Variants in CACHD1 observed in about 807,000 individuals in gnomAD.
CACHD1 encodes cache domain containing 1, also known as VWFA and cache domain-containing protein 1.
A neutral mutation model predicts 138.7 loss-of-function variants in CACHD1; 71 were observed. That is an observed-to-expected ratio of 0.51 (90% CI 0.42 to 0.62). CACHD1 has a LOEUF of 0.62. Ranked by LOEUF, CACHD1 falls within the 20% of genes least tolerant of loss-of-function variation. The pLI, the probability that CACHD1 is intolerant of heterozygous loss-of-function variation, is 0.00. For missense variants in CACHD1, 1,389 were observed against 1,625.3 expected, an observed-to-expected ratio of 0.85 and a Z score of 2.50; for synonymous variants, 578 against 591.5, an observed-to-expected ratio of 0.98 and a Z score of 0.33.
intron 20 of CACHD1, 43 bp downstream of exon 20, chr1:64,675,604 T>C (rs761379361): frequency 2.6e-6 from 4 of 1,560,644 alleles, no homozygotes; most frequent in Non-Finnish European, 3.5e-6. Flanking sequence ...CCACACTGTT[T>C]AATATTTCAA....
rs1324860409 is a variant in CACHD1 at position 64,678,239 on chromosome 1, C to T, written c.3173C>T (p.Ala1058Val). The change falls in exon 23 of 27, where the codon GCC becomes GTC. Residue 1058 changes from alanine to valine, a missense_variant. Physicochemically the swap from Ala to Val is moderately conservative, Grantham distance 64. This residue lies in a region of CACHD1 where 250 missense variants were observed against 292.9 expected (regional missense o/e 0.85). Coordinates refer to ENST00000651257, the MANE Select transcript of CACHD1 (RefSeq NM_020925.4). ...ACTCACCTGGACAAACCCTACTGTG[C>T]CCCCCAGAAAGAATGCTTCGGGGGG... is the stretch of plus-strand genomic sequence containing the variant. Reference protein sequence around the residue: ...GKTHLDKPYCAPQKECFGGIV... With the variant: ...GKTHLDKPYCVPQKECFGGIV... 2 of 1,611,076 alleles carry T rather than the reference C, an allele frequency of 1.2e-6. No homozygotes were observed. The highest frequency in any genetic ancestry group is 1.7e-6 in the Non-Finnish European group (2 of 1,178,848).
intron 19 of CACHD1, among the ~76,000 whole-genome samples, chr1:64,674,853 A>G (rs1338459538): frequency 6.6e-6 from 1 of 152,206 alleles, no homozygotes; most frequent in Non-Finnish European, 1.5e-5. Flanking sequence ...TTTTCTTGTT[A>G]TGGAATGAAG....
intron 13 of CACHD1, among the ~76,000 whole-genome samples, chr1:64,659,963 G>A (rs1193521383): frequency 6.6e-6 from 1 of 152,170 alleles, no homozygotes; most frequent in Non-Finnish European, 1.5e-5. Flanking sequence ...AGAAGAGCAG[G>A]CTGGACTAAG....
At chr1:64,639,287 T>C (rs923639384) in intron 7 of CACHD1, among the ~76,000 whole-genome samples, 3 of 152,240 alleles carry the variant, frequency 2.0e-5, no homozygotes, top group African/African-American at 7.2e-5. Flanking sequence ...ATTTTTGTTT[T>C]TGTATTTTTC....
At chr1:64,596,027 T>G (rs1237395789) in intron 3 of CACHD1, among the ~76,000 whole-genome samples, 2 of 152,202 alleles carry the variant, frequency 1.3e-5, no homozygotes, top group Non-Finnish European at 2.9e-5. Context: ...GAAAAACTAT[T>G]TCTCGGAATG....
At chr1:64,548,018 T>C (rs1319263361) in intron 1 of CACHD1, among the ~76,000 whole-genome samples, 1 of 152,222 alleles carries the variant, frequency 6.6e-6, no homozygotes, top group African/African-American at 2.4e-5. Flanking sequence ...TAAAAATGCT[T>C]ATGTCATAAA....
intron 3 of CACHD1, among the ~76,000 whole-genome samples, chr1:64,600,965 AT>A (rs2100574829): frequency 6.6e-6 from 1 of 152,346 alleles, no homozygotes; most frequent in East Asian, 1.9e-4. Context: ...TGCTAGCCAC[AT>A]TTCAAATGCT....
chr1:64,531,835 T>C (rs1030273955), intron 1 of CACHD1, among the ~76,000 whole-genome samples: 3 of 152,162 alleles, frequency 2.0e-5, no homozygotes, highest in Admixed American at 1.3e-4. Context: ...CATGTTACAG[T>C]TTAATGCCAG....
chr1:64,477,634 ATTT>A (rs1038287180), intron 1 of CACHD1, among the ~76,000 whole-genome samples: 1 of 131,832 alleles, frequency 7.6e-6, no homozygotes, highest in African/African-American at 3.0e-5. Flanking sequence ...ATTTTATTTT[ATTT>A]TTTTTTTTGA....
intron 8 of CACHD1, 57 bp downstream of exon 8, chr1:64,642,026 G>A: frequency 7.3e-7 from 1 of 1,375,904 alleles, no homozygotes; most frequent in Non-Finnish European, 9.6e-7. Context: ...AGTGTATGCT[G>A]CTTTAAAAAG....
At chr1:64,520,830 TA>T (rs1266251080) in intron 1 of CACHD1, among the ~76,000 whole-genome samples, 1 of 152,212 alleles carries the variant, frequency 6.6e-6, no homozygotes, top group African/African-American at 2.4e-5. Context: ...ACTCCCCCTC[TA>T]ATCAACTGTG....
At chr1:64,622,619 C>T (rs1647955330) in intron 4 of CACHD1, among the ~76,000 whole-genome samples, 1 of 152,134 alleles carries the variant, frequency 6.6e-6, no homozygotes. Flanking sequence ...ATTGCTAATT[C>T]ATCTAGCATG....
intron 5 of CACHD1, among the ~76,000 whole-genome samples, chr1:64,631,858 T>C (rs1216181976): frequency 1.3e-5 from 2 of 152,084 alleles, no homozygotes; most frequent in Non-Finnish European, 2.9e-5. Context: ...TTTTAAATGC[T>C]CAGATAAGGG....
intron 1 of CACHD1, among the ~76,000 whole-genome samples, chr1:64,537,519 G>A (rs908763130): frequency 6.6e-6 from 1 of 152,132 alleles, no homozygotes; most frequent in Admixed American, 6.5e-5. Context: ...ACTGGGAGCG[G>A]AGCTTATAAA....
intron 1 of CACHD1, among the ~76,000 whole-genome samples, chr1:64,499,419 C>T (rs1218418772): frequency 6.6e-6 from 1 of 152,234 alleles, no homozygotes; most frequent in Middle Eastern, 3.2e-3. Context: ...AGAAAGGAGT[C>T]TGCCACACAC....
intron 5 of CACHD1, among the ~76,000 whole-genome samples, chr1:64,630,736 G>T (rs1219511660): frequency 6.6e-6 from 1 of 152,162 alleles, no homozygotes; most frequent in Non-Finnish European, 1.5e-5. Context: ...ATTCTCATTT[G>T]CTTCTAAGAA....
At chr1:64,484,094 C>T (rs1331180928) in intron 1 of CACHD1, among the ~76,000 whole-genome samples, 1 of 152,108 alleles carries the variant, frequency 6.6e-6, no homozygotes, top group Non-Finnish European at 1.5e-5. Context: ...TTGTTCAATG[C>T]TATATTCCTG....
intron 1 of CACHD1, among the ~76,000 whole-genome samples, chr1:64,527,428 C>G (rs1646549302): frequency 2.6e-5 from 4 of 152,206 alleles, no homozygotes; most frequent in Admixed American, 2.6e-4. Context: ...GTAGGCGTTT[C>G]TTCGGGGAGT....
At chr1:64,682,463 A>G (rs1275347329) in intron 26 of CACHD1, among the ~76,000 whole-genome samples, 1 of 152,140 alleles carries the variant, frequency 6.6e-6, no homozygotes, top group Non-Finnish European at 1.5e-5. Flanking sequence ...CATGACAAGA[A>G]TCTGTGCTGT....
Sources: allele counts gnomAD v4.1 joint callset (sites outside exome capture counted in the v4.1 genomes callset), GRCh38; gene constraint gnomAD v4.1.1; regional missense constraint gnomAD v4.1.1; transcripts MANE v1.5; gene names NCBI Gene and HGNC (gene_info 2026-07-23, HGNC 2026-07-21).